PTPN2: variants seen among roughly 807,000 people sequenced by gnomAD.
PTPN2 encodes tyrosine-protein phosphatase non-receptor type 2.
PTPN2 carries 19 observed loss-of-function variants against 57.3 expected under a neutral mutation model. The ratio of observed to expected loss-of-function variants is 0.33; its 90% CI spans 0.23 to 0.49. PTPN2 has a LOEUF of 0.49. PTPN2 is among the 20% of genes least tolerant of loss of function. The pLI is 0.99. For synonymous variants in PTPN2, 153 were observed against 164.9 expected, an observed-to-expected ratio of 0.93 and a Z score of 0.55; for missense variants, 358 against 501.1, an observed-to-expected ratio of 0.71 and a Z score of 2.73.
chr18:12,842,990 C>T (rs1461356973), intron 2 of PTPN2, among the ~76,000 whole-genome samples: 2 of 152,116 alleles, frequency 1.3e-5, no homozygotes, highest in African/African-American at 2.4e-5. Flanking sequence ...TAAACTAATT[C>T]GGCAGAAAGG....
At chr18:12,812,062 A>G (rs17597893) in intron 7 of PTPN2, among the ~76,000 whole-genome samples, 19,881 of 152,198 alleles carry the variant, frequency 0.13, 1,411 homozygotes, top group Non-Finnish European at 0.15. Context: ...ATCTTACAAC[A>G]TTAGTTCTGA....
At chr18:12,785,749 G>T in exon 10 of PTPN2, 2 of 1,387,588 alleles carry the variant, frequency 1.4e-6, no homozygotes, top group Non-Finnish European at 2.0e-6. Flanking sequence ...AGTTTCCGGA[G>T]TGGGCTTCAG....
At chr18:12,837,344 T>C (rs1358183842) in intron 2 of PTPN2, among the ~76,000 whole-genome samples, 1 of 152,180 alleles carries the variant, frequency 6.6e-6, no homozygotes, top group East Asian at 1.9e-4. Flanking sequence ...TTCCACTATA[T>C]TTAAATAAAT....
At chr18:12,785,597 ACT>A in exon 10 of PTPN2, 1 of 588,718 alleles carries the variant, frequency 1.7e-6, no homozygotes, top group Non-Finnish European at 3.0e-6. Context: ...CATTTCATAC[ACT>A]CATTAAAAAC....
chr18:12,849,613 C>A (rs960883855), intron 2 of PTPN2, among the ~76,000 whole-genome samples: 2 of 152,176 alleles, frequency 1.3e-5, no homozygotes, highest in Admixed American at 6.5e-5. Context: ...GCTACCCTTA[C>A]ATTCCTGAAA....
At chr18:12,840,884 G>A in intron 2 of PTPN2, 2 of 1,564,996 alleles carry the variant, frequency 1.3e-6, no homozygotes, top group Non-Finnish European at 1.7e-6. Flanking sequence ...TGCCGATGCA[G>A]TCCATGACAT....
chr18:12,854,195 C>CA (rs1327765646), intron 2 of PTPN2, among the ~76,000 whole-genome samples: 1 of 151,460 alleles, frequency 6.6e-6, no homozygotes, highest in Admixed American at 6.6e-5. Context: ...CCCATCTCTA[C>CA]AAAAAATCTA....
In PTPN2 at chr18:12,817,203, T is replaced by C; in HGVS notation, c.658A>G (p.Ile220Val). The C allele has an allele frequency of 6.2e-7, 1 of 1,614,126 alleles. No homozygotes were observed. The highest frequency in any genetic ancestry group is 8.5e-7 in the Non-Finnish European group (1 of 1,180,018). The change falls in exon 6 of 9, where the codon ATT becomes GTT. Residue 220 changes from isoleucine to valine, a missense_variant. Ile to Val is a conservative substitution (Grantham distance 29, BLOSUM62 3). This residue lies in a region of PTPN2 where 193 missense variants were observed against 315.4 expected (regional missense o/e 0.61). Transcript: ENST00000309660. ...GPAVIHCSAG[I>V]GRSGTFSLVD... is the part of the protein sequence containing the mutation. ...AGAGAGAAGGTGCCAGAGCGCCCAA[T>C]GCCTGCACTACAGTGGATCACCGCA... is the stretch of plus-strand genomic sequence containing the variant.
rs1373238382 is a variant in PTPN2, at chr18:12,872,713, CAT to C, written c.69+11358_69+11359del. ...TTGTGCGGACATTTCCTCTCATAAA[CAT>C]GTTTCATCTTAAAGGTGTCTAAAGG... On this transcript the variant is annotated intron_variant, in intron 1 of 8. Coordinates refer to ENST00000309660, the MANE Select transcript of PTPN2 (RefSeq NM_002828.4). 5.3e-5 allele frequency among the ~76,000 whole-genome samples: 8 copies of C among 152,260 alleles called. No individual in the cohort carries two copies. In the South Asian group the frequency reaches 8.3e-4, roughly 16 times the overall value.
At chr18:12,881,730 C>T (rs1055974709) in intron 1 of PTPN2, among the ~76,000 whole-genome samples, 1 of 152,170 alleles carries the variant, frequency 6.6e-6, no homozygotes, top group Non-Finnish European at 1.5e-5. Flanking sequence ...AGAAGCTTCA[C>T]CAGAACTCCC....
At chr18:12,806,923 A>G (rs1199620779) in intron 7 of PTPN2, among the ~76,000 whole-genome samples, 1 of 152,186 alleles carries the variant, frequency 6.6e-6, no homozygotes, top group East Asian at 1.9e-4. Context: ...CAAAAGCAAA[A>G]ACAGACAAAT....
chr18:12,785,749 G>A (rs780943723), exon 10 of PTPN2: 14 of 1,387,470 alleles, frequency 1.0e-5, no homozygotes, highest in Non-Finnish European at 1.3e-5. Context: ...AGTTTCCGGA[G>A]TGGGCTTCAG....
intron 7 of PTPN2, among the ~76,000 whole-genome samples, chr18:12,812,586 C>CA (rs1028058424): frequency 2.6e-5 from 4 of 151,686 alleles, no homozygotes; most frequent in African/African-American, 9.7e-5. Flanking sequence ...GCAACAAGAG[C>CA]AAAACTGCGT....
chr18:12,790,562 A>C (rs1464632135), downstream of PTPN2, among the ~76,000 whole-genome samples: 3 of 152,206 alleles, frequency 2.0e-5, no homozygotes, highest in Non-Finnish European at 1.5e-5. Context: ...CTACTTCATA[A>C]AATTGTGTTG....
At chr18:12,820,070 C>T (rs2042220038) in intron 5 of PTPN2, among the ~76,000 whole-genome samples, 1 of 152,152 alleles carries the variant, frequency 6.6e-6, no homozygotes, top group Non-Finnish European at 1.5e-5. Context: ...ATGGTTACCC[C>T]ACAATCTTGG....
At position 12,814,497 on chromosome 18, in the gene PTPN2, T is replaced by C. The variant is rs550001329; in HGVS notation, c.706-142A>G. The C allele has an allele frequency of 4.4e-6, 3 of 676,008 alleles. No individual in the cohort carries two copies. The East Asian group carries it at 8.6e-5, about 19-fold the overall frequency. 41.9% of individuals were successfully genotyped at this position (676,008 alleles called of 1,614,324 possible). A position where few individuals can be genotyped will look rare whatever the true frequency, so the allele number is the denominator to read the frequency against. On this transcript the variant is annotated intron_variant, in intron 6 of 8. Coordinates refer to ENST00000309660, the MANE Select transcript of PTPN2 (RefSeq NM_002828.4). ...TAATTTAACCCTCCAGCTATAACTG[T>C]TATGTACACAACAACTATCCCAGCC... is the stretch of plus-strand genomic sequence containing the variant.
chr18:12,787,927 T>G (rs531157165), downstream of PTPN2: 7 of 154,508 alleles, frequency 4.5e-5, no homozygotes, highest in African/African-American at 1.7e-4. Flanking sequence ...GTCAGCTCTA[T>G]GCCTGAGGCC....
At chr18:12,841,263 G>A (rs2043034917) in intron 2 of PTPN2, among the ~76,000 whole-genome samples, 1 of 152,232 alleles carries the variant, frequency 6.6e-6, no homozygotes, top group South Asian at 2.1e-4. Context: ...AGGCTGGCGA[G>A]CTGGCTAGAG....
chr18:12,870,329 ATGTATATATATACATATATATG>A (rs1409349708), intron 1 of PTPN2, among the ~76,000 whole-genome samples: 3 of 71,868 alleles, frequency 4.2e-5, no homozygotes, highest in Admixed American at 2.8e-4. Context: ...GTGTATATAT[ATGTATATATATACATATATATG>A]TGTATATATA....
Sources: allele counts gnomAD v4.1 joint callset (sites outside exome capture counted in the v4.1 genomes callset), GRCh38; gene constraint gnomAD v4.1.1; regional missense constraint gnomAD v4.1.1; transcripts MANE v1.5; gene names NCBI Gene and HGNC (gene_info 2026-07-23, HGNC 2026-07-21).